The following PTPRM variants were observed in gnomAD, a reference collection of about 807,000 sequenced individuals.
PTPRM encodes protein tyrosine phosphatase receptor type M.
Under a neutral mutation model 186.7 loss-of-function variants are expected in PTPRM, and 47 were observed. That is an observed-to-expected ratio of 0.25 (90% CI 0.20 to 0.32). The LOEUF (loss-of-function observed/expected upper bound fraction) is 0.32. Among genes scored for constraint, PTPRM ranks in the 10% least tolerant of loss-of-function variants. PTPRM has a pLI of 1.00. For missense variants in PTPRM, 1,494 were observed against 1,865.0 expected, an observed-to-expected ratio of 0.80 and a Z score of 3.66; for synonymous variants, 668 against 674.9, an observed-to-expected ratio of 0.99 and a Z score of 0.16.
At chr18:7,968,572 C>T (rs1172451191) in intron 7 of PTPRM, among the ~76,000 whole-genome samples, 1 of 39,890 alleles carries the variant, frequency 2.5e-5, no homozygotes, top group Admixed American at 3.0e-4. Context: ...ATCTCACGTG[C>T]AGAGACACAC....
chr18:8,133,887 C>T (rs2092574510), intron 13 of PTPRM, among the ~76,000 whole-genome samples: 1 of 152,068 alleles, frequency 6.6e-6, no homozygotes, highest in African/African-American at 2.4e-5. Flanking sequence ...ATGTCAAAGA[C>T]ACTGGCTAAG....
chr18:8,030,519 C>T (rs76324497), intron 7 of PTPRM, among the ~76,000 whole-genome samples: 3,348 of 152,188 alleles, frequency 0.022, 52 homozygotes, highest in African/African-American at 0.047. Flanking sequence ...GTGCGTGTTC[C>T]GATAGTAATA....
chr18:8,020,636 C>A (rs1393861105), intron 7 of PTPRM, among the ~76,000 whole-genome samples: 1 of 152,166 alleles, frequency 6.6e-6, no homozygotes, highest in Non-Finnish European at 1.5e-5. Flanking sequence ...TGCCTCACTT[C>A]CTGGTCTCTC....
intron 2 of PTPRM, among the ~76,000 whole-genome samples, chr18:7,872,276 A>T (rs1383414029): frequency 2.0e-5 from 3 of 152,148 alleles, no homozygotes; most frequent in Non-Finnish European, 4.4e-5. Flanking sequence ...ATTCAGACAA[A>T]CAATCCTTTG....
chr18:8,301,986 G>C (rs1397037109), intron 20 of PTPRM, among the ~76,000 whole-genome samples: 1 of 152,252 alleles, frequency 6.6e-6, no homozygotes, highest in African/African-American at 2.4e-5. Flanking sequence ...CGGAGCAGCG[G>C]GAGTGGGGTA....
At chr18:7,835,028 G>A (rs1454427708) in intron 2 of PTPRM, among the ~76,000 whole-genome samples, 1 of 68,918 alleles carries the variant, frequency 1.5e-5, no homozygotes, top group Non-Finnish European at 2.9e-5. Flanking sequence ...CTGGCTAAAT[G>A]TTTGTCTGTT....
At chr18:8,287,843 C>T (rs1441744023) in intron 19 of PTPRM, among the ~76,000 whole-genome samples, 2 of 152,172 alleles carry the variant, frequency 1.3e-5, no homozygotes, top group African/African-American at 4.8e-5. Context: ...CTTATAGAAA[C>T]ACAGATACTT....
intron 2 of PTPRM, among the ~76,000 whole-genome samples, chr18:7,851,869 A>G (rs2046877565): frequency 6.6e-6 from 1 of 152,186 alleles, no homozygotes; most frequent in Admixed American, 6.5e-5. Context: ...AAAATATGTG[A>G]CAGCAATAGC....
At chr18:8,387,305 C>G in intron 31 of PTPRM, 70 bp downstream of exon 31, 2 of 1,450,146 alleles carry the variant, frequency 1.4e-6, no homozygotes, top group Non-Finnish European at 1.9e-6. Context: ...TCCTAGTTCT[C>G]TGACTTTTGT....
chr18:8,316,752 G>T (rs185160475), intron 21 of PTPRM, among the ~76,000 whole-genome samples: 1 of 152,172 alleles, frequency 6.6e-6, no homozygotes, highest in African/African-American at 2.4e-5. Context: ...AACTAAAGCC[G>T]TAAAGGGGGA....
chr18:7,907,839 T>C (rs1385428236), intron 4 of PTPRM, among the ~76,000 whole-genome samples: 1 of 152,146 alleles, frequency 6.6e-6, no homozygotes, highest in Non-Finnish European at 1.5e-5. Context: ...AAGGATTGCC[T>C]TTTATAAATG....
chr18:7,993,300 A>G (rs779774554), intron 7 of PTPRM, among the ~76,000 whole-genome samples: 9 of 152,090 alleles, frequency 5.9e-5, no homozygotes, highest in Non-Finnish European at 1.2e-4. Context: ...AAAGCATTGA[A>G]AAACCTATTA....
chr18:8,376,611 T>A lies in PTPRM; in HGVS notation c.3462+14T>A, dbSNP rs2095696906. ...GTGCAAACAGAGGTACTCCCGCTCA[T>A]CACCTAGCCTGGGGCCTTGGTCCCT... is the stretch of plus-strand genomic sequence containing the variant. On this transcript the variant is annotated intron_variant, in intron 26 of 32. Transcript: ENST00000580170. The A allele has an allele frequency of 6.2e-7, 1 of 1,606,492 alleles. No homozygotes were observed. Among genetic ancestry groups the A allele is most frequent in the Non-Finnish European group, 8.5e-7 (1 of 1,176,618 alleles).
intron 23 of PTPRM, among the ~76,000 whole-genome samples, chr18:8,344,430 A>ATGTGTGTGTGTGTG (rs143895566): frequency 2.7e-4 from 30 of 110,918 alleles, no homozygotes; most frequent in Non-Finnish European, 5.1e-4. Context: ...AGATATATAT[A>ATGTGTGTGTGTGTG]TGTGTGTGTG....
At chr18:8,052,838 C>T (rs561743644) in intron 7 of PTPRM, among the ~76,000 whole-genome samples, 5 of 152,316 alleles carry the variant, frequency 3.3e-5, no homozygotes, top group African/African-American at 1.2e-4. Context: ...ATTCTGCCAA[C>T]AATCAGTATT....
At chr18:7,708,222 A>G (rs2040137202) in intron 1 of PTPRM, among the ~76,000 whole-genome samples, 1 of 152,216 alleles carries the variant, frequency 6.6e-6, no homozygotes, top group Admixed American at 6.5e-5. Flanking sequence ...CCTTAACTGT[A>G]ACCAAATAAC....
chr18:7,946,575 A>T (rs1439689994), intron 5 of PTPRM, among the ~76,000 whole-genome samples: 1 of 152,176 alleles, frequency 6.6e-6, no homozygotes, highest in Non-Finnish European at 1.5e-5. Flanking sequence ...GAGACTGAAT[A>T]TCTATGGAAA....
At chr18:7,763,951 T>TC (rs2041902748) in intron 1 of PTPRM, among the ~76,000 whole-genome samples, 1 of 138,370 alleles carries the variant, frequency 7.2e-6, no homozygotes, top group Admixed American at 7.2e-5. Context: ...ATGCAATTCT[T>TC]TTTTTTTTTT....
chr18:8,186,107 C>G (rs913573497), intron 14 of PTPRM, among the ~76,000 whole-genome samples: 1 of 152,022 alleles, frequency 6.6e-6, no homozygotes, highest in Admixed American at 6.6e-5. Context: ...GCAGGCAGAT[C>G]ACGAGGTCAA....
Sources: allele counts gnomAD v4.1 joint callset (sites outside exome capture counted in the v4.1 genomes callset), GRCh38; gene constraint gnomAD v4.1.1; transcripts MANE v1.5; gene names NCBI Gene and HGNC (gene_info 2026-07-23, HGNC 2026-07-21).